Variants in HSPA14 observed in about 807,000 individuals in gnomAD.
The protein encoded by HSPA14 is heat shock 70 kDa protein 14.
HSPA14 carries 37 observed loss-of-function variants against 65.5 expected under a neutral mutation model. That is an observed-to-expected ratio of 0.56 (90% CI 0.43 to 0.74). HSPA14 has a LOEUF of 0.74. Ranked by LOEUF, HSPA14 falls within the 30% of genes least tolerant of loss-of-function variation. The pLI is 0.00. For missense variants in HSPA14, 564 were observed against 607.6 expected, an observed-to-expected ratio of 0.93 and a Z score of 0.75; for synonymous variants, 203 against 214.2, an observed-to-expected ratio of 0.95 and a Z score of 0.46.
chr10:14,867,379 T>C, intron 11 of HSPA14, 84 bp downstream of exon 11: 1 of 902,688 alleles, frequency 1.1e-6, no homozygotes, highest in East Asian at 2.5e-5. Flanking sequence ...TTGCCATAAG[T>C]TTTTATACAT....
At position 14,869,232 on chromosome 10, in the gene HSPA14, C is replaced by CGTGT. The variant is rs68155495; in HGVS notation, c.1381-1336_1381-1333dup. On this transcript the variant is annotated intron_variant, in intron 12 of 13. Transcript: ENST00000378372. ...ATGAGATATTGTGTGTGTACGTGTA[C>CGTGT]GTGTGTGTGTGTGTGTGTGTGTGTG... Among the ~76,000 whole-genome samples the CGTGT allele has an allele frequency of 9.3e-3, 1,348 of 144,800 alleles. 9 individuals are homozygous for CGTGT. Among genetic ancestry groups the CGTGT allele is most frequent in the South Asian group, 0.024 (106 of 4,422 alleles). The allele number at this position is 144,800 out of a possible 152,430, so 95.0% of individuals were successfully genotyped here. A position where few individuals can be genotyped will look rare whatever the true frequency, so the allele number is the denominator to read the frequency against.
At chr10:14,847,973 C>T (rs1226725728) in intron 3 of HSPA14, among the ~76,000 whole-genome samples, 4 of 152,148 alleles carry the variant, frequency 2.6e-5, no homozygotes, top group Non-Finnish European at 5.9e-5. Flanking sequence ...AGTTATTGTC[C>T]CTCTCTGAAG....
chr10:14,867,461 T>C (rs926681174), intron 11 of HSPA14, among the ~76,000 whole-genome samples, 166 bp downstream of exon 11: 23 of 152,228 alleles, frequency 1.5e-4, no homozygotes, highest in Non-Finnish European at 1.5e-5. Context: ...ACTTTTAAGG[T>C]ATGTCTTATA....
intron 8 of HSPA14, among the ~76,000 whole-genome samples, chr10:14,853,699 A>G (rs1021772364): frequency 2.0e-5 from 3 of 152,168 alleles, no homozygotes; most frequent in Non-Finnish European, 4.4e-5. Flanking sequence ...GGAATAAAAT[A>G]TTGTTTCACT....
At chr10:14,865,988 T>C (rs991977704) in intron 10 of HSPA14, among the ~76,000 whole-genome samples, 2 of 152,180 alleles carry the variant, frequency 1.3e-5, no homozygotes, top group Non-Finnish European at 1.5e-5. Flanking sequence ...TCTTTTATTT[T>C]GTTGAGCAGT....
chr10:14,847,466 T>G (rs193241048), intron 3 of HSPA14, among the ~76,000 whole-genome samples: 8 of 152,328 alleles, frequency 5.3e-5, no homozygotes, highest in African/African-American at 1.7e-4. Context: ...AATACTAAAC[T>G]TTGTATTGAA....
In HSPA14 at chr10:14,845,314, CAA is replaced by C. The variant is rs1007194881; in HGVS notation, c.222-3293_222-3292del. 85 of 985,336 alleles carry C rather than the reference CAA, an allele frequency of 8.6e-5. 1 individual carries two copies. Among genetic ancestry groups the C allele is most frequent in the South Asian group, 3.3e-4 (7 of 21,288 alleles). The allele number at this position is 985,336 out of a possible 1,614,324, so 61.0% of individuals were successfully genotyped here. ...AATAATCTAGAAGTTGGAAAAATAA[CAA>C]AGAGTGGGCATGTTGGGGGAGGTTT... On this transcript the variant is annotated intron_variant, in intron 3 of 13. Coordinates refer to ENST00000378372, the MANE Select transcript of HSPA14 (RefSeq NM_016299.4).
chr10:14,848,807 G>T lies in HSPA14; in HGVS notation c.288G>T (p.Gly96=). The change falls in exon 5 of 14, where the codon GGG becomes GGT. Residue 96 remains glycine (G), a synonymous_variant. Coordinates refer to ENST00000378372, the MANE Select transcript of HSPA14 (RefSeq NM_016299.4). ...ESKCLVIEKN[G]KLRYEIDTGE... ...TTTTATAGGTCATTGAAAAAAATGG[G>T]AAATTACGATATGAAATAGATACTG... 1.3e-6 allele frequency: 2 copies of T among 1,569,932 alleles called. No individual in the cohort carries two copies. The highest frequency in any genetic ancestry group is 1.2e-5 in the South Asian group (1 of 85,254).
intron 3 of HSPA14, 43 bp downstream of exon 3, chr10:14,840,200 T>C (rs375528877): frequency 3.6e-5 from 35 of 968,216 alleles, no homozygotes; most frequent in Admixed American, 1.9e-4. Flanking sequence ...AATAGGAACA[T>C]GTTCATAAAT....
chr10:14,845,893 T>C (rs943123468), intron 3 of HSPA14: 13 of 464,688 alleles, frequency 2.8e-5, no homozygotes, highest in African/African-American at 2.7e-4. Flanking sequence ...ATCTCCGGAT[T>C]GAGGGATTTG....
At chr10:14,840,983 C>T (rs1023502418) in intron 3 of HSPA14, among the ~76,000 whole-genome samples, 7 of 152,178 alleles carry the variant, frequency 4.6e-5, no homozygotes, top group South Asian at 2.1e-4. Context: ...TCCTCACCCT[C>T]GGCCCCAGGT....
In HSPA14 at chr10:14,842,928, C is replaced by T; in HGVS notation, c.221+2771C>T. On this transcript the variant is annotated intron_variant, in intron 3 of 13. Transcript: ENST00000378372. This position sits in a 1 kb window ranked among gnomAD's most constrained non-coding sequence, Gnocchi z 5.2. ...TAGCTGTGTCTGTTTGGATAGTGTC[C>T]TCTTCAGCATAGTTCCTGTTTCTGC... The T allele has an allele frequency of 9.9e-7, 1 of 1,012,248 alleles. No individual in the cohort carries two copies. The highest frequency in any genetic ancestry group is 1.6e-5 in the African/African-American group (1 of 61,658). The allele number at this position is 1,012,248 out of a possible 1,614,324, so 62.7% of individuals were successfully genotyped here.
chr10:14,843,969 C>T (rs1834010779), intron 3 of HSPA14: 2 of 1,504,436 alleles, frequency 1.3e-6, no homozygotes, highest in Admixed American at 4.4e-5. Flanking sequence ...GAATCCCTGG[C>T]TCCTTTTCTG....
chr10:14,856,460 GT>G (rs1832693436), intron 10 of HSPA14, among the ~76,000 whole-genome samples: 1 of 152,116 alleles, frequency 6.6e-6, no homozygotes, highest in Non-Finnish European at 1.5e-5. Context: ...GCTGCTTCCC[GT>G]TCCTTGCTTA....
intron 8 of HSPA14, 93 bp from the exon 9 acceptor site, chr10:14,854,029 TTTA>T: frequency 8.0e-7 from 1 of 1,246,958 alleles, no homozygotes; most frequent in South Asian, 1.6e-5. Context: ...GATTCACTAA[TTTA>T]TTATTGTTTT....
Position 14,867,219 on chromosome 10 carries a change from T to C in HSPA14, c.1130T>C (p.Ile377Thr). The change falls in exon 11 of 14, where the codon ATT (isoleucine) becomes ACT (threonine). Residue 377 changes from isoleucine (I) to threonine (T), a missense_variant. Coordinates refer to ENST00000378372, the MANE Select transcript of HSPA14 (RefSeq NM_016299.4). ...ATTGGTGCAGCTATAGAAGCAGGAA[T>C]TCTTATTGGGAAAGAAAACCTGTTG... is the stretch of plus-strand genomic sequence containing the variant. ...IPIGAAIEAG[I>T]LIGKENLLVE... 1.2e-6 allele frequency: 2 copies of C among 1,613,828 alleles called. No individual in the cohort carries two copies. Among genetic ancestry groups the C allele is most frequent in the Non-Finnish European group, 1.7e-6 (2 of 1,179,786 alleles).
chr10:14,869,301 A>T, intron 12 of HSPA14, among the ~76,000 whole-genome samples: 1 of 144,342 alleles, frequency 6.9e-6, no homozygotes, highest in African/African-American at 2.6e-5. Flanking sequence ...TATTTATTTT[A>T]ATTTTTTTTT....
chr10:14,845,638 G>C (rs925705983), intron 3 of HSPA14: 3 of 694,466 alleles, frequency 4.3e-6, no homozygotes, highest in Non-Finnish European at 5.3e-6. Context: ...GTTTTGCCCA[G>C]GCTGGGGTGC....
chr10:14,854,277 C>G lies in HSPA14; in HGVS notation c.887C>G (p.Ser296Cys). 1 of 1,574,260 alleles carries G rather than the reference C, an allele frequency of 6.4e-7. No homozygotes were observed. The highest frequency in any genetic ancestry group is 8.6e-7 in the Non-Finnish European group (1 of 1,162,852). Reference protein sequence around the residue: ...YEGQDFDCNVSRARFELLCSP... With the variant: ...YEGQDFDCNVCRARFELLCSP... ...GGTCAAGATTTTGATTGCAATGTGTCCAGGTAAAACTGAAGTTCAAAAAAC... is the reference window on the plus strand; with the variant it reads ...GGTCAAGATTTTGATTGCAATGTGTGCAGGTAAAACTGAAGTTCAAAAAAC... Residue 296 changes from serine to cysteine, a missense_variant, in exon 9 of 14, where the codon TCC becomes TGC. By Grantham distance (112) the Ser-to-Cys change is moderately radical (BLOSUM62 -1). Transcript: ENST00000378372.
Sources: gnomAD v4.1 joint callset for allele counts (sites outside exome capture counted in the v4.1 genomes callset) on GRCh38, gnomAD v4.1.1 for gene constraint, Gnocchi (gnomAD v3.1) non-coding constraint, MANE v1.5 for transcripts, NCBI Gene and HGNC (gene_info 2026-07-23, HGNC 2026-07-21) for gene names.